DDX1: variants seen among roughly 807,000 people sequenced by gnomAD.
DDX1 encodes ATP-dependent RNA helicase DDX1.
A neutral mutation model predicts 108.7 loss-of-function variants in DDX1; 28 were observed. The ratio of observed to expected loss-of-function variants is 0.26; its 90% confidence interval spans 0.19 to 0.35. The LOEUF (loss-of-function observed/expected upper bound fraction) is 0.35. Ranked by LOEUF, DDX1 falls within the 10% of genes least tolerant of loss-of-function variation. The pLI is 1.00. For missense variants in DDX1, 710 were observed against 884.5 expected (o/e 0.80, Z 2.50); for synonymous variants, 295 against 288.9 (o/e 1.02, Z -0.21).
In DDX1 at chr2:15,617,224, G is replaced by A; in HGVS notation, c.1018-20G>A. 1 of 1,354,424 alleles carries A rather than the reference G, an allele frequency of 7.4e-7. No homozygotes were observed. The highest frequency in any genetic ancestry group is 1.0e-6 in the Non-Finnish European group (1 of 970,404). 83.9% of individuals were successfully genotyped at this position (1,354,424 alleles called of 1,614,324 possible). The stretch of plus-strand genomic sequence containing the variant: ...CTGTTTCTTTAGTTTTCATTAAGTG[G>A]TTGGTTTGCTTTTTTTCAGGTAGAT... On this transcript the variant is annotated intron_variant, in intron 14 of 25. Transcript: ENST00000233084.
Position 15,630,034 on chromosome 2 carries a change from G to A in DDX1, c.2016G>A (p.Gln672=). The change falls in exon 25 of 26, where the codon CAG becomes CAA. Residue 672 remains glutamine, a synonymous_variant. Transcript: ENST00000233084. ...AACACCTGAACTGTACCATTTCTCA[G>A]GTTGAGCCGGATATAAAGGTACCAG... ...IEEHLNCTIS[Q]VEPDIKVPVD... 6.2e-7 allele frequency: 1 copy of A among 1,613,020 alleles called. No individual in the cohort carries two copies. The highest frequency in any genetic ancestry group is 1.1e-5 in the South Asian group (1 of 90,910).
intron 14 of DDX1, 140 bp from the exon 15 acceptor site, chr2:15,617,101 CCTT>C (rs1003969544): frequency 1.6e-5 from 6 of 382,586 alleles, no homozygotes; most frequent in South Asian, 9.7e-5. Context: ...ATCTGTAACT[CCTT>C]TTTTTTTTTT....
chr2:15,613,344 G>A, intron 14 of DDX1, 60 bp downstream of exon 14: 1 of 1,189,892 alleles, frequency 8.4e-7, no homozygotes, highest in Non-Finnish European at 1.2e-6. Context: ...TAGCAATACA[G>A]CTCTGTTTTG....
At chr2:15,616,689 C>T (rs1461890334) in intron 14 of DDX1, among the ~76,000 whole-genome samples, 2 of 152,314 alleles carry the variant, frequency 1.3e-5, no homozygotes, top group Middle Eastern at 3.4e-3. Context: ...AAGTACTTGA[C>T]AAATAGTAAC....
At position 15,613,285 on chromosome 2, in the gene DDX1, G is replaced by A; in HGVS notation, c.1017+1G>A. 6.3e-7 allele frequency: 1 copy of A among 1,597,914 alleles called. No homozygotes were observed. Among genetic ancestry groups the A allele is most frequent in the African/African-American group, 1.3e-5 (1 of 74,090 alleles). On this transcript the variant is annotated splice_donor_variant, in intron 14 of 25. Coordinates refer to ENST00000233084, the MANE Select transcript of DDX1 (RefSeq NM_004939.3). LOFTEE classifies it high-confidence loss of function. ...TCAGCTCTCTGTTTTGGAAAATGGA[G>A]TAAGTTGTAGTTTTAATTTTTAAAA... is the stretch of plus-strand genomic sequence containing the variant.
rs762484489 is a variant in DDX1 at position 15,620,201 on chromosome 2, T to C, written c.1207-7T>C. 3 of 1,611,706 alleles carry C rather than the reference T, an allele frequency of 1.9e-6. No homozygotes were observed. Among genetic ancestry groups the C allele is most frequent in the Non-Finnish European group, 2.5e-6 (3 of 1,179,084 alleles). On this transcript the variant is annotated splice_region_variant and splice_polypyrimidine_tract_variant and intron_variant, in intron 16 of 25. Transcript: ENST00000233084. ...GTTCATCTCAATTTGGGGTTTCCTC[T>C]TCTTAGGTGATTGTTTGCTCTGCCA...
chr2:15,627,075 A>G lies in DDX1; in HGVS notation c.1616A>G (p.Gln539Arg). 1 of 1,610,568 alleles carries G rather than the reference A, an allele frequency of 6.2e-7. No homozygotes were observed. Among genetic ancestry groups the G allele is most frequent in the African/African-American group, 1.3e-5 (1 of 74,870 alleles). ...CTAGGACCTGATAAAAAAGGACACCAGTTCTCATGTGTTTGTCTTCATGGT... is the reference window on the plus strand; with the variant it reads ...CTAGGACCTGATAAAAAAGGACACCGGTTCTCATGTGTTTGTCTTCATGGT... Reference protein sequence around the residue: ...QGGGPDKKGHQFSCVCLHGDR... With the variant: ...QGGGPDKKGHRFSCVCLHGDR... Residue 539 changes from glutamine to arginine, a missense_variant, in exon 20 of 26, where the codon CAG becomes CGG. This residue lies in a region of DDX1 where 661 missense variants were observed against 810.2 expected (regional missense o/e 0.82). Coordinates refer to ENST00000233084, the MANE Select transcript of DDX1 (RefSeq NM_004939.3).
chr2:15,595,845 G>A (rs1665488755), intron 3 of DDX1, among the ~76,000 whole-genome samples: 1 of 152,116 alleles, frequency 6.6e-6, no homozygotes, highest in African/African-American at 2.4e-5. Flanking sequence ...CCTTTTGCTT[G>A]AAGGATCATA....
chr2:15,597,527 A>G (rs1451339499), intron 5 of DDX1, 56 bp downstream of exon 5: 8 of 1,159,404 alleles, frequency 6.9e-6, no homozygotes, highest in Non-Finnish European at 1.0e-5. Context: ...CTCATCACTG[A>G]CAGTTAGGAA....
intron 19 of DDX1, among the ~76,000 whole-genome samples, chr2:15,624,243 A>G (rs1666061125): frequency 1.3e-5 from 2 of 152,178 alleles, no homozygotes; most frequent in South Asian, 4.1e-4. Flanking sequence ...CTATATTAAT[A>G]AGAGTTGCAG....
intron 18 of DDX1, among the ~76,000 whole-genome samples, chr2:15,621,751 C>T (rs1333796958): frequency 2.0e-5 from 3 of 151,842 alleles, no homozygotes; most frequent in African/African-American, 7.3e-5. Flanking sequence ...CTCCCAGGCT[C>T]AAGCAGTTCT....
intron 14 of DDX1, among the ~76,000 whole-genome samples, chr2:15,614,444 T>G (rs759421221): frequency 9.2e-5 from 14 of 152,192 alleles, no homozygotes; most frequent in Non-Finnish European, 1.9e-4. Context: ...CTTTGATATG[T>G]TTTTATTTAG....
At chr2:15,603,549 A>G (rs997704983) in intron 8 of DDX1, among the ~76,000 whole-genome samples, 8 of 152,210 alleles carry the variant, frequency 5.3e-5, no homozygotes, top group Non-Finnish European at 1.2e-4. Flanking sequence ...AGTACCATAT[A>G]GATGCTTCAT....
chr2:15,616,850 TC>T (rs1665903401), intron 14 of DDX1, among the ~76,000 whole-genome samples: 1 of 152,104 alleles, frequency 6.6e-6, no homozygotes, highest in Non-Finnish European at 1.5e-5. Flanking sequence ...TTCCCCCAAT[TC>T]AAAAATGGGA....
At chr2:15,614,892 T>C (rs1028807776) in intron 14 of DDX1, among the ~76,000 whole-genome samples, 14 of 152,246 alleles carry the variant, frequency 9.2e-5, no homozygotes, top group African/African-American at 3.4e-4. Context: ...TCCCATAAGA[T>C]AATATGTTTC....
rs34221209 is a variant in DDX1 at position 15,603,049 on chromosome 2, GA to G, written c.392-141del. 7 of 613,736 alleles carry G rather than the reference GA, an allele frequency of 1.1e-5. No individual in the cohort carries two copies. The Admixed American group carries it at 2.4e-4, about 21-fold the overall frequency. 38.0% of individuals were successfully genotyped at this position (613,736 alleles called of 1,614,324 possible). A position where few individuals can be genotyped will look rare whatever the true frequency, so the allele number is the denominator to read the frequency against. On this transcript the variant is annotated intron_variant, in intron 7 of 25. Transcript: ENST00000233084. ...AAATAGCTTTAAGTCGAGGATCTGG[GA>G]AGGTGTTTGATGGTACAAATATACC...
At chr2:15,603,755 G>C (rs3815690) in intron 8 of DDX1, 59 bp from the exon 9 acceptor site, 1 of 1,095,922 alleles carries the variant, frequency 9.1e-7, no homozygotes, top group African/African-American at 1.6e-5. Flanking sequence ...ACTTCTTTTA[G>C]AGGTCTTTTA....
chr2:15,618,215 T>C lies in DDX1; in HGVS notation c.1151T>C (p.Ile384Thr), dbSNP rs1443182579. Residue 384 changes from isoleucine (I) to threonine (T), a missense_variant, in exon 16 of 26, where the codon ATA becomes ACA. Transcript: ENST00000233084. ...CTTTCTCAAGGTTATTCTGATTTTA[T>C]AAATAGGATGCACAATCAGATTCCT... ...GLLSQGYSDFINRMHNQIPQV... is the reference protein window; with the variant it reads ...GLLSQGYSDFTNRMHNQIPQV... 3 of 1,590,536 alleles carry C rather than the reference T, an allele frequency of 1.9e-6. No individual in the cohort carries two copies. Among genetic ancestry groups the C allele is most frequent in the African/African-American group, 2.7e-5 (2 of 74,756 alleles).
chr2:15,592,044 A>G lies in DDX1; in HGVS notation c.16+95A>G, dbSNP rs1271075915. The G allele has an allele frequency of 1.8e-5, 21 of 1,180,630 alleles. No homozygotes were observed. In the East Asian group the frequency reaches 3.8e-4, roughly 22 times the overall value. The allele number at this position is 1,180,630 out of a possible 1,614,324, so 73.1% of individuals were successfully genotyped here. A position where few individuals can be genotyped will look rare whatever the true frequency, so the allele number is the denominator to read the frequency against. On this transcript the variant is annotated intron_variant, in intron 1 of 25. Transcript: ENST00000233084. ...GAGAGCTAAAGGGGCGGGAGCGGACAGGGGTCAGGGAGACAGAAGGGCGCT... is the reference window on the plus strand; with the variant it reads ...GAGAGCTAAAGGGGCGGGAGCGGACGGGGGTCAGGGAGACAGAAGGGCGCT...
Sources: allele counts gnomAD v4.1 joint callset (sites outside exome capture counted in the v4.1 genomes callset), GRCh38; gene constraint gnomAD v4.1.1; regional missense constraint gnomAD v4.1.1; transcripts MANE v1.5; gene names NCBI Gene and HGNC (gene_info 2026-07-23, HGNC 2026-07-21).